Variants in CPVL observed in about 807,000 individuals in gnomAD.
CPVL encodes probable serine carboxypeptidase CPVL.
A neutral mutation model predicts 63.7 loss-of-function variants in CPVL; 51 were observed. That is an observed-to-expected ratio of 0.80 (90% CI 0.64 to 1.01). CPVL has a LOEUF of 1.01. Among genes scored for constraint, CPVL ranks in the 50% least tolerant of loss-of-function variants. The probability of loss-of-function intolerance (pLI) is 0.00; values close to 1 mark genes in which losing one functional copy is unlikely to be tolerated. For synonymous variants in CPVL, 195 were observed against 206.0 expected (o/e 0.95, Z 0.46); for missense variants, 530 against 573.1 (o/e 0.92, Z 0.77).
chr7:29,120,956 T>C lies in CPVL; in HGVS notation c.106A>G (p.Lys36Glu). The C allele has an allele frequency of 6.2e-7, 1 of 1,614,022 alleles. No homozygotes were observed. The highest frequency in any genetic ancestry group is 8.5e-7 in the Non-Finnish European group (1 of 1,179,972). ...SLYRSVSMPPKGDSGQPLFLT... is the reference protein window; with the variant it reads ...SLYRSVSMPPEGDSGQPLFLT... ...AATAATGGCTGTCCTGAGTCTCCCTTAGGTGGCATGGAAACACTTCTGTAT... is the reference window on the plus strand; with the variant it reads ...AATAATGGCTGTCCTGAGTCTCCCTCAGGTGGCATGGAAACACTTCTGTAT... The change falls in exon 2 of 13, where the codon AAG becomes GAG. Residue 36 changes from lysine (K) to glutamate (E), a missense_variant. Lys to Glu is a moderately conservative substitution (Grantham distance 56). Coordinates refer to ENST00000265394, the MANE Select transcript of CPVL (RefSeq NM_031311.5).
intron 9 of CPVL, among the ~76,000 whole-genome samples, chr7:29,069,056 T>C (rs1783439914): frequency 1.3e-5 from 2 of 152,052 alleles, no homozygotes; most frequent in Non-Finnish European, 2.9e-5. Context: ...CACACATCAT[T>C]TTTGGAACTC....
At chr7:29,165,101 A>AT (rs1223039081) in intron 5 of CPVL, among the ~76,000 whole-genome samples, 5 of 152,218 alleles carry the variant, frequency 3.3e-5, no homozygotes, top group African/African-American at 9.6e-5. Flanking sequence ...AAGCCTGCTG[A>AT]TTTTTTTATT....
At chr7:29,082,315 T>C (rs866189465) in intron 7 of CPVL, 18 of 152,166 alleles carry the variant, frequency 1.2e-4, no homozygotes, top group African/African-American at 3.6e-4. Context: ...ACTCATCTGA[T>C]TGTTAGATGA....
At chr7:29,004,901 CTT>C (rs1236433234) in intron 12 of CPVL, among the ~76,000 whole-genome samples, 9 of 140,108 alleles carry the variant, frequency 6.4e-5, no homozygotes, top group Admixed American at 7.1e-5. Context: ...CTTTTCTTTT[CTT>C]TTTTTTTTTT....
intron 1 of CPVL, among the ~76,000 whole-genome samples, chr7:29,190,593 G>A (rs1782763331): frequency 1.3e-5 from 2 of 152,222 alleles, no homozygotes; most frequent in African/African-American, 2.4e-5. Flanking sequence ...AGCCGGTGAA[G>A]GAGGGTGGGG....
chr7:29,049,640 A>G (rs1224955183), intron 11 of CPVL, among the ~76,000 whole-genome samples: 1 of 152,188 alleles, frequency 6.6e-6, no homozygotes, highest in Non-Finnish European at 1.5e-5. Context: ...ATAGAGAAAG[A>G]GGGAAACCTC....
chr7:29,035,202 C>A (rs1271984497), intron 11 of CPVL, among the ~76,000 whole-genome samples: 1 of 152,156 alleles, frequency 6.6e-6, no homozygotes, highest in Non-Finnish European at 1.5e-5. Flanking sequence ...TATTCTTGTA[C>A]TGCTTCACAA....
At chr7:29,145,923 C>G (rs374626206) in intron 1 of CPVL, 1 of 152,186 alleles carries the variant, frequency 6.6e-6, no homozygotes, top group East Asian at 1.9e-4. Flanking sequence ...TAAAAGTCTT[C>G]CTATGCGTTC....
chr7:29,141,400 C>T (rs1308387731), intron 1 of CPVL, among the ~76,000 whole-genome samples: 1 of 150,212 alleles, frequency 6.7e-6, no homozygotes, highest in Non-Finnish European at 1.5e-5. Flanking sequence ...AAATACAAAA[C>T]TTAGCTGGGC....
chr7:29,040,075 C>CA (rs34532752), intron 11 of CPVL, among the ~76,000 whole-genome samples: 25,952 of 150,124 alleles, frequency 0.17, 2,263 homozygotes, highest in Middle Eastern at 0.25. Flanking sequence ...TTCACTAATC[C>CA]AAAAAAAAAA....
At chr7:29,021,111 T>C (rs1163449381) in intron 12 of CPVL, among the ~76,000 whole-genome samples, 1 of 151,640 alleles carries the variant, frequency 6.6e-6, no homozygotes, top group Non-Finnish European at 1.5e-5. Context: ...AAGGCGGAGG[T>C]TGTAGTGAGC....
chr7:29,185,323 A>G (rs1185443990), intron 3 of CPVL, among the ~76,000 whole-genome samples: 2 of 152,202 alleles, frequency 1.3e-5, no homozygotes, highest in East Asian at 1.9e-4. Context: ...AGATCATAAC[A>G]TGGACCAAAA....
chr7:29,117,401 T>C (rs1048644135), intron 2 of CPVL, among the ~76,000 whole-genome samples: 1 of 152,222 alleles, frequency 6.6e-6, no homozygotes, highest in Non-Finnish European at 1.5e-5. Flanking sequence ...AGAAACACCA[T>C]GGTCACTTTC....
chr7:29,146,412 G>C lies in CPVL; in HGVS notation c.-11+17C>G. ...CCGCTGAGCTGGCACGACCCACGCAGGGCAGGCGGCACTTACGCGGCGCAG... is the reference window on the plus strand; with the variant it reads ...CCGCTGAGCTGGCACGACCCACGCACGGCAGGCGGCACTTACGCGGCGCAG... On this transcript the variant is annotated intron_variant, in intron 1 of 12. Transcript: ENST00000265394. The C allele has an allele frequency of 1.0e-6, 1 of 997,646 alleles. No individual in the cohort carries two copies. The allele number at this position is 997,646 out of a possible 1,614,324, so 61.8% of individuals were successfully genotyped here.
At chr7:29,106,985 C>T (rs1787779869) in intron 3 of CPVL, among the ~76,000 whole-genome samples, 1 of 152,200 alleles carries the variant, frequency 6.6e-6, no homozygotes, top group African/African-American at 2.4e-5. Context: ...GCCAGAGCTG[C>T]AGTCATCAGA....
At chr7:29,069,585 A>G (rs190811945) in intron 9 of CPVL, among the ~76,000 whole-genome samples, 79 of 152,346 alleles carry the variant, frequency 5.2e-4, no homozygotes, top group Non-Finnish European at 1.0e-3. Flanking sequence ...GTCATTTCAC[A>G]TCTTGCAGAA....
rs139586306 is a variant in CPVL at position 29,193,312 on chromosome 7, G to T, written c.-448+1765C>A. ...AAAATGTGACGTGGGTGCGTACTGTGATTATTTAACATTCATTATTCACTG... is the reference window on the plus strand; with the variant it reads ...AAAATGTGACGTGGGTGCGTACTGTTATTATTTAACATTCATTATTCACTG... On this transcript the variant is annotated intron_variant, in intron 1 of 16. Transcript: ENST00000409850. The T allele has an allele frequency of 9.9e-5, 15 of 152,206 alleles. No homozygotes were observed. The East Asian group carries it at 2.9e-3, about 29-fold the overall frequency. The allele number at this position is 152,206 out of a possible 1,614,324, so 9.4% of individuals were successfully genotyped here.
At chr7:29,061,161 A>G (rs1791237815) in intron 11 of CPVL, among the ~76,000 whole-genome samples, 1 of 152,128 alleles carries the variant, frequency 6.6e-6, no homozygotes, top group Non-Finnish European at 1.5e-5. Context: ...TAATCCCAGC[A>G]CTTTGGGAGG....
chr7:29,117,130 T>C (rs1439767315), intron 2 of CPVL, among the ~76,000 whole-genome samples: 1 of 152,240 alleles, frequency 6.6e-6, no homozygotes, highest in Non-Finnish European at 1.5e-5. Context: ...AATTTGACTG[T>C]GTAACATAAC....
Sources: allele counts gnomAD v4.1 joint callset (sites outside exome capture counted in the v4.1 genomes callset), GRCh38; gene constraint gnomAD v4.1.1; transcripts MANE v1.5; gene names NCBI Gene and HGNC (gene_info 2026-07-23, HGNC 2026-07-21).